The following ARB2A variants were observed in gnomAD, a reference collection of about 807,000 sequenced individuals.
ARB2A encodes ARB2 cotranscriptional regulator A.
the ARB2A span, among the ~76,000 whole-genome samples, chr5:93,803,940 G>A: frequency 7.2e-5 from 11 of 151,986 alleles, no homozygotes; most frequent in South Asian, 6.2e-4. Flanking sequence ...GTACACAGCC[G>A]GAGAGAAATA....
chr5:94,104,965 C>G, the ARB2A span, among the ~76,000 whole-genome samples: 11 of 151,668 alleles, frequency 7.3e-5, no homozygotes, highest in Non-Finnish European at 8.9e-5. Context: ...TAAAAATTTT[C>G]AACAAACTAG....
chr5:93,811,128 T>C, the ARB2A span, among the ~76,000 whole-genome samples: 1 of 152,060 alleles, frequency 6.6e-6, no homozygotes, highest in Non-Finnish European at 1.5e-5. Context: ...TCCAGCGAGA[T>C]ATAAAAGGTC....
chr5:93,624,614 C>G, the ARB2A span, among the ~76,000 whole-genome samples: 8 of 152,100 alleles, frequency 5.3e-5, no homozygotes, highest in Non-Finnish European at 1.0e-4. Context: ...TACCTTTGCT[C>G]AGTTTCAATC....
At chr5:93,681,603 C>T in the ARB2A span, among the ~76,000 whole-genome samples, 1 of 152,170 alleles carries the variant, frequency 6.6e-6, no homozygotes, top group African/African-American at 2.4e-5. Flanking sequence ...TATGCAAACT[C>T]TAAGCTACCT....
chr5:93,835,497 A>G, the ARB2A span, among the ~76,000 whole-genome samples: 7 of 152,256 alleles, frequency 4.6e-5, no homozygotes, highest in Non-Finnish European at 1.0e-4. Context: ...TTTTAGAAAA[A>G]GTAAACTGAA....
At chr5:93,930,368 T>C in the ARB2A span, among the ~76,000 whole-genome samples, 1 of 152,192 alleles carries the variant, frequency 6.6e-6, no homozygotes, top group Non-Finnish European at 1.5e-5. Flanking sequence ...GTGCCCCACT[T>C]ATCCAGCAGT....
chr5:93,765,534 T>C, the ARB2A span, among the ~76,000 whole-genome samples: 2 of 152,000 alleles, frequency 1.3e-5, no homozygotes, highest in South Asian at 2.1e-4. Context: ...CACTGCTCAA[T>C]GAAATGAAAG....
chr5:93,768,926 C>T, the ARB2A span, among the ~76,000 whole-genome samples: 1 of 151,336 alleles, frequency 6.6e-6, no homozygotes, highest in Non-Finnish European at 1.5e-5. Flanking sequence ...ATCTTGGGCA[C>T]CAGTGTGAGA....
At chr5:93,800,727 T>C in the ARB2A span, among the ~76,000 whole-genome samples, 2 of 152,138 alleles carry the variant, frequency 1.3e-5, no homozygotes, top group Admixed American at 6.6e-5. Flanking sequence ...ATGGAGCAAA[T>C]CTTTATATTT....
the ARB2A span, chr5:93,865,902 T>C: frequency 1.0e-6 from 1 of 985,306 alleles, no homozygotes; most frequent in African/African-American, 1.7e-5. Flanking sequence ...AATGTCCACC[T>C]TATCGCTATG....
the ARB2A span, among the ~76,000 whole-genome samples, chr5:93,748,546 A>G: frequency 3.1e-4 from 47 of 152,224 alleles, no homozygotes; most frequent in East Asian, 8.7e-3. Flanking sequence ...AGTTTCCCTA[A>G]AACTATAATA....
chr5:93,856,056 A>C, the ARB2A span, among the ~76,000 whole-genome samples: 1 of 151,990 alleles, frequency 6.6e-6, no homozygotes, highest in African/African-American at 2.4e-5. Flanking sequence ...CAAAGAAGTT[A>C]AAAACTTTGA....
At chr5:93,948,358 T>C in the ARB2A span, among the ~76,000 whole-genome samples, 1 of 152,182 alleles carries the variant, frequency 6.6e-6, no homozygotes, top group African/African-American at 2.4e-5. Context: ...TTTGATGGGG[T>C]TGTTTTTTTC....
At chr5:93,695,803 A>G in the ARB2A span, among the ~76,000 whole-genome samples, 1 of 152,234 alleles carries the variant, frequency 6.6e-6, no homozygotes, top group East Asian at 1.9e-4. Context: ...CATCAGTGAC[A>G]GAGTGGATAA....
At chr5:93,686,986 G>T in the ARB2A span, among the ~76,000 whole-genome samples, 1 of 151,896 alleles carries the variant, frequency 6.6e-6, no homozygotes, top group African/African-American at 2.4e-5. Flanking sequence ...AACGAAAAAC[G>T]TTGGCTTAGA....
chr5:93,873,923 G>T, the ARB2A span, among the ~76,000 whole-genome samples: 2 of 152,182 alleles, frequency 1.3e-5, no homozygotes, highest in African/African-American at 2.4e-5. Context: ...GTTGCAGAAA[G>T]GATGAATTCT....
chr5:93,928,993 C>CA, the ARB2A span, among the ~76,000 whole-genome samples: 927 of 140,304 alleles, frequency 6.6e-3, 9 homozygotes, highest in African/African-American at 0.021. Flanking sequence ...TTAAAGTCTA[C>CA]AAAAAAAAAA....
the ARB2A span, among the ~76,000 whole-genome samples, chr5:94,003,440 T>C: frequency 6.6e-6 from 1 of 152,210 alleles, no homozygotes; most frequent in East Asian, 1.9e-4. Flanking sequence ...GATCAGGTTG[T>C]GTACATAGGA....
At chr5:93,776,047 ACAACT>A in the ARB2A span, 1 of 845,254 alleles carries the variant, frequency 1.2e-6, no homozygotes, top group South Asian at 2.0e-5. Flanking sequence ...AATTCATCTA[ACAACT>A]CAAAGATAAA....
Sources: allele counts gnomAD v4.1 joint callset (sites outside exome capture counted in the v4.1 genomes callset), GRCh38; gene constraint gnomAD v4.1.1; transcripts MANE v1.5; gene names NCBI Gene and HGNC (gene_info 2026-07-23, HGNC 2026-07-21).